Variants in CCBE1 observed in about 807,000 individuals in gnomAD.
CCBE1 encodes collagen and calcium binding EGF domains 1, also known as collagen and calcium-binding EGF domain-containing protein 1.
Under a neutral mutation model 50.0 loss-of-function variants are expected in CCBE1, and 37 were observed. The ratio of observed to expected loss-of-function variants is 0.74; its 90% CI spans 0.57 to 0.97. The LOEUF is 0.97. Ranked by LOEUF, CCBE1 falls within the 50% of genes least tolerant of loss-of-function variation. The pLI is 0.00. For missense variants in CCBE1, 538 were observed against 523.8 expected, an observed-to-expected ratio of 1.03 and a Z score of -0.26; for synonymous variants, 234 against 203.7, an observed-to-expected ratio of 1.15 and a Z score of -1.27.
rs112299729 is a variant in CCBE1 at position 59,546,793 on chromosome 18, T to C, written c.213-66555A>G. Among the ~76,000 whole-genome samples, 656 of 152,200 alleles carry C rather than the reference T, an allele frequency of 4.3e-3. 5 individuals are homozygous for C. The highest frequency in any genetic ancestry group is 8.1e-3 in the Admixed American group (124 of 15,292). On this transcript the variant is annotated intron_variant, in intron 2 of 10. Coordinates refer to ENST00000439986, the MANE Select transcript of CCBE1 (RefSeq NM_133459.4). ...TAGTCAAATATGTTACTTCTAGGCT[T>C]TGTGTCTATAGTAATTTAAAACAAT...
At chr18:59,589,191 C>G (rs1201548811) in intron 2 of CCBE1, among the ~76,000 whole-genome samples, 1 of 152,158 alleles carries the variant, frequency 6.6e-6, no homozygotes, top group East Asian at 1.9e-4. Context: ...GGCAGTATAT[C>G]TACTTCCTAG....
intron 2 of CCBE1, among the ~76,000 whole-genome samples, chr18:59,641,897 G>A (rs1270917660): frequency 2.0e-5 from 3 of 152,060 alleles, no homozygotes; most frequent in African/African-American, 7.2e-5. Context: ...TTCCCATAAG[G>A]GGAAGAAAAC....
At chr18:59,471,608 G>A (rs1410575905) in intron 3 of CCBE1, among the ~76,000 whole-genome samples, 2 of 152,196 alleles carry the variant, frequency 1.3e-5, no homozygotes, top group African/African-American at 2.4e-5. Context: ...TGGGGTGCCA[G>A]TTACTGAGCT....
intron 2 of CCBE1, among the ~76,000 whole-genome samples, chr18:59,493,848 G>A (rs1913225067): frequency 6.6e-6 from 1 of 152,110 alleles, no homozygotes; most frequent in African/African-American, 2.4e-5. Flanking sequence ...GAATCATGAG[G>A]GTAGGTCTTT....
chr18:59,646,097 G>A (rs886227007), intron 2 of CCBE1, among the ~76,000 whole-genome samples: 1 of 152,120 alleles, frequency 6.6e-6, no homozygotes, highest in African/African-American at 2.4e-5. Flanking sequence ...GAATTCCTCT[G>A]GAGAAGGCTA....
intron 2 of CCBE1, among the ~76,000 whole-genome samples, chr18:59,631,361 C>A (rs1019434058): frequency 3.3e-5 from 5 of 152,130 alleles, no homozygotes; most frequent in African/African-American, 1.2e-4. Context: ...TTACATAAGC[C>A]AATAAACTTC....
At position 59,598,640 on chromosome 18, in the gene CCBE1, T is replaced by A. The variant is rs952821334; in HGVS notation, c.212+97989A>T. On this transcript the variant is annotated intron_variant, in intron 2 of 10. Transcript: ENST00000439986. ...GAAGAGTCACTGCTTCCACCATTTA[T>A]CCATGTAGCTGAGGTAGGTGTGGCC... Among the ~76,000 whole-genome samples the A allele has an allele frequency of 2.0e-5, 3 of 152,218 alleles. No individual in the cohort carries two copies. In the East Asian group the frequency reaches 5.8e-4, roughly 29 times the overall value.
intron 2 of CCBE1, among the ~76,000 whole-genome samples, chr18:59,675,305 C>G (rs77149967): frequency 0.01 from 1,572 of 152,248 alleles, 11 homozygotes; most frequent in Non-Finnish European, 0.017. Flanking sequence ...TGTGTACCAA[C>G]CATGGTACTA....
intron 2 of CCBE1, among the ~76,000 whole-genome samples, chr18:59,605,158 C>A (rs557960168): frequency 2.6e-5 from 4 of 152,262 alleles, no homozygotes; most frequent in Non-Finnish European, 4.4e-5. Flanking sequence ...GGCTGCTCCC[C>A]CTAGGAGGCA....
At chr18:59,695,854 A>AT (rs1366471071) in intron 2 of CCBE1, among the ~76,000 whole-genome samples, 1 of 152,192 alleles carries the variant, frequency 6.6e-6, no homozygotes, top group Non-Finnish European at 1.5e-5. Context: ...ATAAACGTTT[A>AT]TGGGTGCATG....
chr18:59,493,668 G>C (rs558906168), intron 2 of CCBE1, among the ~76,000 whole-genome samples: 2 of 152,120 alleles, frequency 1.3e-5, no homozygotes, highest in African/African-American at 4.8e-5. Flanking sequence ...CCTGAACTGC[G>C]TGTTACAGGA....
At chr18:59,500,362 G>C (rs947530525) in intron 2 of CCBE1, among the ~76,000 whole-genome samples, 1 of 152,186 alleles carries the variant, frequency 6.6e-6, no homozygotes, top group Non-Finnish European at 1.5e-5. Context: ...AAAGCAGTGG[G>C]AATGAAGTCT....
intron 2 of CCBE1, among the ~76,000 whole-genome samples, chr18:59,552,212 CACA>C (rs1915954107): frequency 6.6e-6 from 1 of 152,182 alleles, no homozygotes; most frequent in Non-Finnish European, 1.5e-5. Context: ...CTGGACCTCA[CACA>C]ACATCGCTTC....
chr18:59,542,455 G>A lies in CCBE1; in HGVS notation c.213-62217C>T, dbSNP rs17065927. Among the ~76,000 whole-genome samples, 890 of 152,162 alleles carry A rather than the reference G, an allele frequency of 5.8e-3. 7 individuals carry two copies. The highest frequency in any genetic ancestry group is 0.02 in the African/African-American group (848 of 41,530). The stretch of plus-strand genomic sequence containing the variant: ...TCAAGGATGAGAAATTATATAAAAT[G>A]AAAGCAACAGATTTTTAAAATTATA... On this transcript the variant is annotated intron_variant, in intron 2 of 10. Transcript: ENST00000439986.
intron 2 of CCBE1, among the ~76,000 whole-genome samples, chr18:59,497,396 T>C (rs1279720156): frequency 2.6e-5 from 4 of 152,106 alleles, no homozygotes; most frequent in Admixed American, 6.5e-5. Flanking sequence ...CATAAGTGTC[T>C]AACAACATCA....
chr18:59,462,427 A>G (rs1911530504), intron 5 of CCBE1: 1 of 151,358 alleles, frequency 6.6e-6, no homozygotes, highest in Admixed American at 6.6e-5. Context: ...TTTTTTTGAG[A>G]CAGGGTGGAG....
intron 2 of CCBE1, among the ~76,000 whole-genome samples, chr18:59,694,595 CAGGATTCCAA>C (rs772570073): frequency 6.6e-6 from 1 of 152,128 alleles, no homozygotes; most frequent in South Asian, 2.1e-4. Context: ...GGCAGAGGCC[CAGGATTCCAA>C]CAAGCTCCCA....
At chr18:59,693,123 A>T (rs975331337) in intron 2 of CCBE1, among the ~76,000 whole-genome samples, 1 of 152,098 alleles carries the variant, frequency 6.6e-6, no homozygotes, top group African/African-American at 2.4e-5. Flanking sequence ...TTGACTGTAC[A>T]TTGTTCTTTT....
intron 2 of CCBE1, among the ~76,000 whole-genome samples, chr18:59,525,860 A>G (rs911155229): frequency 6.6e-6 from 1 of 152,144 alleles, no homozygotes; most frequent in Non-Finnish European, 1.5e-5. Flanking sequence ...TCTTTTCCCC[A>G]TTGCTTTTGC....
Sources: gnomAD v4.1 joint callset for allele counts (sites outside exome capture counted in the v4.1 genomes callset) on GRCh38, gnomAD v4.1.1 for gene constraint, MANE v1.5 for transcripts, NCBI Gene and HGNC (gene_info 2026-07-23, HGNC 2026-07-21) for gene names.